MACC1: variants seen among roughly 807,000 people sequenced by gnomAD.
MACC1 encodes MET transcriptional regulator MACC1.
MACC1 carries 79 observed loss-of-function variants against 70.7 expected under a neutral mutation model. The observed-to-expected ratio is 1.12, with a 90% CI of 0.93 to 1.35. The LOEUF is 1.35. Ranked by LOEUF, MACC1 falls within the 40% of genes most tolerant of loss-of-function variation. The probability of loss-of-function intolerance (pLI) is 0.00; values close to 1 mark genes in which losing one functional copy is unlikely to be tolerated. For synonymous variants in MACC1, 361 were observed against 347.2 expected, an observed-to-expected ratio of 1.04 and a Z score of -0.44; for missense variants, 1,106 against 978.1, an observed-to-expected ratio of 1.13 and a Z score of -1.74.
At chr7:20,165,984 T>A (rs1272282136) in intron 2 of MACC1, among the ~76,000 whole-genome samples, 2 of 151,974 alleles carry the variant, frequency 1.3e-5, no homozygotes, top group Non-Finnish European at 2.9e-5. Context: ...GGATAAGGGG[T>A]GGGGAGCAAT....
chr7:20,177,742 T>C (rs1319658571), intron 1 of MACC1, among the ~76,000 whole-genome samples: 2 of 151,384 alleles, frequency 1.3e-5, no homozygotes, highest in East Asian at 3.9e-4. Context: ...TTTTTGGTAT[T>C]ATATAAAATA....
chr7:20,206,356 A>G (rs1011832066), intron 1 of MACC1, among the ~76,000 whole-genome samples: 1 of 151,928 alleles, frequency 6.6e-6, no homozygotes, highest in African/African-American at 2.4e-5. Flanking sequence ...TTCAAAGGAC[A>G]CCTTTCTATT....
intron 2 of MACC1, among the ~76,000 whole-genome samples, chr7:20,169,400 T>C (rs1782267765): frequency 6.6e-6 from 1 of 152,206 alleles, no homozygotes; most frequent in African/African-American, 2.4e-5. Flanking sequence ...GTTGTACTTT[T>C]CAAAAGGTAT....
At chr7:20,177,164 C>A (rs534053840) in intron 1 of MACC1, among the ~76,000 whole-genome samples, 249 of 152,154 alleles carry the variant, frequency 1.6e-3, no homozygotes, top group Non-Finnish European at 2.9e-3. Context: ...ACTATCTTTC[C>A]AAATTCCTGG....
chr7:20,210,075 AC>A (rs982807032), intron 1 of MACC1, among the ~76,000 whole-genome samples: 2 of 152,140 alleles, frequency 1.3e-5, no homozygotes, highest in Non-Finnish European at 2.9e-5. Flanking sequence ...TTTATAAATT[AC>A]CCAGTCTTGG....
chr7:20,142,680 G>A (rs1309656675), intron 6 of MACC1, among the ~76,000 whole-genome samples: 1 of 152,148 alleles, frequency 6.6e-6, no homozygotes, highest in Middle Eastern at 3.2e-3. Context: ...CATAGTAATG[G>A]AACCTTTTTT....
At chr7:20,192,901 G>C (rs1782694155) in intron 1 of MACC1, among the ~76,000 whole-genome samples, 1 of 152,198 alleles carries the variant, frequency 6.6e-6, no homozygotes, top group Non-Finnish European at 1.5e-5. Flanking sequence ...GGATTTGAGG[G>C]AATGTCTTTG....
At chr7:20,201,161 G>C (rs1050363626) in intron 1 of MACC1, among the ~76,000 whole-genome samples, 2 of 152,136 alleles carry the variant, frequency 1.3e-5, no homozygotes, top group African/African-American at 4.8e-5. Context: ...CACAGTCTGA[G>C]GTTTTAACTA....
intron 2 of MACC1, among the ~76,000 whole-genome samples, chr7:20,166,571 T>C (rs1782223531): frequency 6.6e-6 from 1 of 152,218 alleles, no homozygotes; most frequent in African/African-American, 2.4e-5. Flanking sequence ...TTGCAGCTGA[T>C]GATTCTGACC....
At chr7:20,154,910 A>T (rs2128101996) in intron 5 of MACC1, among the ~76,000 whole-genome samples, 1 of 152,142 alleles carries the variant, frequency 6.6e-6, no homozygotes, top group East Asian at 1.9e-4. Flanking sequence ...TTTAAAAAAA[A>T]GAGACACTCC....
intron 3 of MACC1, among the ~76,000 whole-genome samples, chr7:20,162,628 C>A (rs910365460): frequency 2.6e-5 from 4 of 151,944 alleles, no homozygotes; most frequent in East Asian, 3.9e-4. Flanking sequence ...TCAGACCCAC[C>A]CTTATATGAA....
chr7:20,158,807 T>G lies in MACC1; in HGVS notation c.1554A>C (p.Pro518=), dbSNP rs1782093814. The part of the protein sequence containing the change: ...TPNLKRLSNL[P]GYLQKKEEIK... Reference sequence around the variant, plus strand: ...TTTCCTCCTTCTTCTGCAAATAGCCTGGCAGATTCGAGAGTCTTTTTAGGT... The same window carrying G: ...TTTCCTCCTTCTTCTGCAAATAGCCGGGCAGATTCGAGAGTCTTTTTAGGT... The change falls in exon 5 of 7, where the codon CCA becomes CCC. Residue 518 remains proline, a synonymous_variant. Coordinates refer to ENST00000400331, the MANE Select transcript of MACC1 (RefSeq NM_182762.4). The G allele has an allele frequency of 6.2e-7, 1 of 1,614,144 alleles. No individual in the cohort carries two copies. Among genetic ancestry groups the G allele is most frequent in the East Asian group, 2.2e-5 (1 of 44,872 alleles).
chr7:20,153,404 A>T (rs1782009975), intron 6 of MACC1: 1 of 152,182 alleles, frequency 6.6e-6, no homozygotes, highest in South Asian at 2.1e-4. Context: ...TAATAGAGAG[A>T]AGATTTCCTT....
intron 1 of MACC1, among the ~76,000 whole-genome samples, chr7:20,178,826 C>G (rs3114454): frequency 0.34 from 51,146 of 151,986 alleles, 10,006 homozygotes; most frequent in East Asian, 0.83. Context: ...TCTCGAACTC[C>G]TGACCTCAGA....
At chr7:20,211,872 T>C (rs1408726852) in intron 1 of MACC1, among the ~76,000 whole-genome samples, 1 of 152,148 alleles carries the variant, frequency 6.6e-6, no homozygotes, top group African/African-American at 2.4e-5. Flanking sequence ...AAATAAGTTG[T>C]GCTGTAAGAA....
chr7:20,190,754 T>G (rs1471429115), intron 1 of MACC1, among the ~76,000 whole-genome samples: 1 of 152,246 alleles, frequency 6.6e-6, no homozygotes, highest in Non-Finnish European at 1.5e-5. Flanking sequence ...AGCCTGCCTG[T>G]GAACTGTTAA....
Position 20,136,686 on chromosome 7 carries a change from T to C in MACC1, c.*4260A>G, listed in dbSNP as rs892017501. On this transcript the variant is annotated 3_prime_UTR_variant, in exon 7 of 7. Transcript: ENST00000400331. ...TGTCTTTGGATTATCCCACCAATCA[T>C]ATTGATGTTCTTTAGAACTTCACTC... The C allele has an allele frequency of 1.3e-5, 2 of 152,002 alleles. No homozygotes were observed. The highest frequency in any genetic ancestry group is 2.9e-5 in the Non-Finnish European group (2 of 67,992). 9.4% of individuals were successfully genotyped at this position (152,002 alleles called of 1,614,324 possible).
chr7:20,183,463 G>T (rs1219580456), intron 1 of MACC1, among the ~76,000 whole-genome samples: 2 of 152,174 alleles, frequency 1.3e-5, no homozygotes, highest in African/African-American at 4.8e-5. Context: ...TCAGCAGAGG[G>T]CCAAGCTTCA....
chr7:20,142,098 C>T (rs1422179635), intron 6 of MACC1: 1 of 152,110 alleles, frequency 6.6e-6, no homozygotes, highest in Non-Finnish European at 1.5e-5. Flanking sequence ...GGTTGTGATT[C>T]TATCACTTGC....
Sources: gnomAD v4.1 joint callset for allele counts (sites outside exome capture counted in the v4.1 genomes callset) on GRCh38, gnomAD v4.1.1 for gene constraint, MANE v1.5 for transcripts, NCBI Gene and HGNC (gene_info 2026-07-23, HGNC 2026-07-21) for gene names.